FSTL5: variants seen among roughly 807,000 people sequenced by gnomAD.
FSTL5 encodes the protein follistatin-related protein 5.
A neutral mutation model predicts 89.1 loss-of-function variants in FSTL5; 62 were observed. The ratio of observed to expected loss-of-function variants is 0.70; its 90% CI spans 0.57 to 0.86. The LOEUF (loss-of-function observed/expected upper bound fraction) is 0.86. FSTL5 is among the 40% of genes least tolerant of loss of function. The pLI is 0.00. For synonymous variants in FSTL5, 383 were observed against 346.2 expected (o/e 1.11, Z -1.18); for missense variants, 1,057 against 1,001.6 (o/e 1.06, Z -0.75).
At chr4:161,554,546 G>T (rs1211241226) in intron 8 of FSTL5, among the ~76,000 whole-genome samples, 1 of 151,612 alleles carries the variant, frequency 6.6e-6, no homozygotes, top group East Asian at 1.9e-4. Context: ...TAGTCAAGAG[G>T]CAGGGATCAC....
chr4:162,145,036 A>G (rs1313931806), intron 1 of FSTL5, among the ~76,000 whole-genome samples: 1 of 149,324 alleles, frequency 6.7e-6, no homozygotes, highest in Non-Finnish European at 1.5e-5. Context: ...TATTCATTGT[A>G]TGTATATTCA....
At chr4:162,032,660 T>A (rs1737581794) in intron 3 of FSTL5, 1 of 152,148 alleles carries the variant, frequency 6.6e-6, no homozygotes, top group African/African-American at 2.4e-5. Context: ...GCAGAGAGGA[T>A]TCTATTTGGA....
At chr4:162,010,286 G>A (rs997239875) in intron 3 of FSTL5, among the ~76,000 whole-genome samples, 4 of 151,832 alleles carry the variant, frequency 2.6e-5, no homozygotes, top group Non-Finnish European at 5.9e-5. Context: ...TAAAAATGCA[G>A]AGAAAATAAA....
intron 6 of FSTL5, among the ~76,000 whole-genome samples, chr4:161,721,828 C>T (rs1015265222): frequency 2.0e-5 from 3 of 152,136 alleles, no homozygotes; most frequent in South Asian, 2.1e-4. Flanking sequence ...TCAAACGCTT[C>T]CTTTGGTAAA....
chr4:161,862,135 T>C (rs1731936647), intron 4 of FSTL5, among the ~76,000 whole-genome samples: 1 of 152,220 alleles, frequency 6.6e-6, no homozygotes, highest in South Asian at 2.1e-4. Flanking sequence ...TTTGATAATC[T>C]TTTAACAAAT....
At chr4:161,525,656 G>A (rs953362443) in intron 10 of FSTL5, among the ~76,000 whole-genome samples, 1 of 152,106 alleles carries the variant, frequency 6.6e-6, no homozygotes, top group African/African-American at 2.4e-5. Flanking sequence ...AATTCAATGC[G>A]ACTCTAATGT....
At chr4:161,905,336 T>G (rs1330862159) in intron 4 of FSTL5, among the ~76,000 whole-genome samples, 1 of 152,160 alleles carries the variant, frequency 6.6e-6, no homozygotes, top group East Asian at 1.9e-4. Context: ...TGGTGCTTAG[T>G]TAGAAGGAAC....
intron 4 of FSTL5, among the ~76,000 whole-genome samples, chr4:161,914,086 C>A (rs77127943): frequency 6.6e-6 from 1 of 152,038 alleles, no homozygotes; most frequent in Non-Finnish European, 1.5e-5. Context: ...ACCCAAATCT[C>A]AATTTGAATT....
chr4:161,549,925 G>A (rs1197999144), intron 8 of FSTL5, among the ~76,000 whole-genome samples: 1 of 151,892 alleles, frequency 6.6e-6, no homozygotes, highest in Non-Finnish European at 1.5e-5. Flanking sequence ...TATTGAATAA[G>A]TGTCAATCCT....
At chr4:161,740,776 A>T (rs186432906) in intron 6 of FSTL5, among the ~76,000 whole-genome samples, 80 of 152,306 alleles carry the variant, frequency 5.3e-4, no homozygotes, top group African/African-American at 1.6e-3. Flanking sequence ...CAAATAGTGT[A>T]TGTCTTAGTC....
intron 6 of FSTL5, among the ~76,000 whole-genome samples, chr4:161,711,072 C>T (rs1353369021): frequency 1.3e-5 from 2 of 151,948 alleles, no homozygotes; most frequent in African/African-American, 4.8e-5. Flanking sequence ...TTTGTAAATG[C>T]TTATGAAATA....
intron 4 of FSTL5, among the ~76,000 whole-genome samples, chr4:161,885,721 T>A (rs1732786514): frequency 6.6e-6 from 1 of 152,172 alleles, no homozygotes; most frequent in Non-Finnish European, 1.5e-5. Context: ...AGTGCTGGGA[T>A]TATAGGCGAG....
intron 7 of FSTL5, among the ~76,000 whole-genome samples, chr4:161,654,723 T>C (rs148568777): frequency 1.1e-4 from 16 of 152,042 alleles, no homozygotes; most frequent in Admixed American, 1.3e-4. Context: ...GCAGCCAAGA[T>C]TAAGAGGAAA....
chr4:161,951,291 T>TA (rs1409771575), intron 3 of FSTL5, among the ~76,000 whole-genome samples: 2 of 152,106 alleles, frequency 1.3e-5, no homozygotes, highest in East Asian at 1.9e-4. Context: ...AACAGACTAA[T>TA]ACACTACTAC....
intron 3 of FSTL5, among the ~76,000 whole-genome samples, chr4:161,976,801 A>C (rs760025337): frequency 4.0e-4 from 61 of 151,984 alleles, no homozygotes; most frequent in Middle Eastern, 3.2e-3. Context: ...AGGTTTTATA[A>C]GTCTAGGAGC....
At chr4:162,141,876 G>GAAGTGTACACAGGTAGAAAA (rs150026224) in intron 1 of FSTL5, among the ~76,000 whole-genome samples, 5 of 146,868 alleles carry the variant, frequency 3.4e-5, no homozygotes, top group African/African-American at 4.9e-5. Context: ...CAGGTAGAAA[G>GAAGTGTACACAGGTAGAAAA]AAGTGTACAC....
chr4:161,559,317 C>T (rs1294189160), intron 8 of FSTL5, among the ~76,000 whole-genome samples: 2 of 151,728 alleles, frequency 1.3e-5, no homozygotes, highest in African/African-American at 4.8e-5. Flanking sequence ...CTGTTTCCTT[C>T]TATTTCCTTC....
chr4:161,832,601 A>C (rs1204155767), intron 4 of FSTL5, among the ~76,000 whole-genome samples: 1 of 152,104 alleles, frequency 6.6e-6, no homozygotes, highest in Non-Finnish European at 1.5e-5. Context: ...TTCCTGGTTT[A>C]GTCTTGGGAG....
intron 7 of FSTL5, among the ~76,000 whole-genome samples, chr4:161,650,464 T>C (rs1736298838): frequency 6.6e-6 from 1 of 152,180 alleles, no homozygotes; most frequent in Admixed American, 6.5e-5. Context: ...ACCTGGGAGT[T>C]CTGTGTTTTG....
Sources: gnomAD v4.1 joint callset for allele counts (sites outside exome capture counted in the v4.1 genomes callset) on GRCh38, gnomAD v4.1.1 for gene constraint, MANE v1.5 for transcripts, NCBI Gene and HGNC (gene_info 2026-07-23, HGNC 2026-07-21) for gene names.